PDSS2: variants seen among roughly 807,000 people sequenced by gnomAD.
PDSS2 encodes the protein all trans-polyprenyl-diphosphate synthase PDSS2.
A neutral mutation model predicts 44.5 loss-of-function variants in PDSS2; 31 were observed. The observed-to-expected ratio is 0.70, with a 90% confidence interval of 0.52 to 0.94. PDSS2 has a LOEUF of 0.94. Ranked by LOEUF, PDSS2 falls within the 40% of genes least tolerant of loss-of-function variation. The pLI is 0.00. For synonymous variants in PDSS2, 157 were observed against 180.3 expected (o/e 0.87, Z 1.03); for missense variants, 452 against 482.2 (o/e 0.94, Z 0.59).
intron 2 of PDSS2, among the ~76,000 whole-genome samples, chr6:107,322,608 G>T (rs1777415965): frequency 6.6e-6 from 1 of 152,094 alleles, no homozygotes; most frequent in Non-Finnish European, 1.5e-5. Flanking sequence ...ACTTTGGAGA[G>T]CCAGGTGGGT....
At chr6:107,229,335 C>T (rs145417515) in intron 4 of PDSS2, among the ~76,000 whole-genome samples, 55 of 152,146 alleles carry the variant, frequency 3.6e-4, no homozygotes, top group Admixed American at 6.5e-4. Context: ...TACAGGCGTG[C>T]ACCACCATGC....
At chr6:107,214,985 G>A (rs1213881897) in intron 4 of PDSS2, among the ~76,000 whole-genome samples, 1 of 152,116 alleles carries the variant, frequency 6.6e-6, no homozygotes, top group East Asian at 1.9e-4. Flanking sequence ...TTGCAAATAT[G>A]CAACACAGCA....
intron 1 of PDSS2, among the ~76,000 whole-genome samples, chr6:107,426,785 A>G (rs1414464124): frequency 2.0e-5 from 3 of 152,100 alleles, no homozygotes. Flanking sequence ...TTGGACTTGC[A>G]TGAGGCCTGT....
intron 1 of PDSS2, among the ~76,000 whole-genome samples, chr6:107,363,631 G>T (rs1296439931): frequency 2.6e-5 from 4 of 152,214 alleles, no homozygotes; most frequent in African/African-American, 9.6e-5. Flanking sequence ...AAGAGCGAAA[G>T]AACAAAGCTC....
intron 2 of PDSS2, among the ~76,000 whole-genome samples, chr6:107,281,887 T>C (rs540780731): frequency 2.0e-5 from 3 of 152,276 alleles, no homozygotes; most frequent in African/African-American, 7.2e-5. Flanking sequence ...AACAACTCTT[T>C]ACTTAGCAAT....
At chr6:107,454,213 AT>A (rs146860438) in intron 1 of PDSS2, among the ~76,000 whole-genome samples, 4,905 of 151,854 alleles carry the variant, frequency 0.032, 263 homozygotes, top group African/African-American at 0.11. Flanking sequence ...AACCCGGATA[AT>A]TTTTGGTATT....
intron 3 of PDSS2, among the ~76,000 whole-genome samples, chr6:107,269,042 C>A (rs1319620473): frequency 6.6e-6 from 1 of 151,468 alleles, no homozygotes; most frequent in Non-Finnish European, 1.5e-5. Context: ...TGGGTTCAAG[C>A]GATTCTCCTG....
At chr6:107,240,516 G>A (rs1460800633) in intron 4 of PDSS2, among the ~76,000 whole-genome samples, 24 of 149,604 alleles carry the variant, frequency 1.6e-4, no homozygotes, top group Non-Finnish European at 5.9e-5. Context: ...CTCCTGCCTC[G>A]GCCTCCCGAG....
At chr6:107,233,775 T>C (rs1391094077) in intron 4 of PDSS2, among the ~76,000 whole-genome samples, 4 of 152,122 alleles carry the variant, frequency 2.6e-5, no homozygotes, top group African/African-American at 9.7e-5. Context: ...ATTGCATCAC[T>C]GCACTCTAGC....
intron 2 of PDSS2, among the ~76,000 whole-genome samples, chr6:107,276,407 G>A (rs1250090191): frequency 6.6e-6 from 1 of 152,182 alleles, no homozygotes; most frequent in Admixed American, 6.5e-5. Flanking sequence ...GATAGACGGT[G>A]GTGTGTGGTT....
chr6:107,291,986 C>T (rs55983510), intron 2 of PDSS2, among the ~76,000 whole-genome samples: 1 of 152,070 alleles, frequency 6.6e-6, no homozygotes, highest in Non-Finnish European at 1.5e-5. Flanking sequence ...AGCACACACA[C>T]TAAGCAATTG....
chr6:107,283,562 A>C (rs1340921567), intron 2 of PDSS2, among the ~76,000 whole-genome samples: 4 of 151,276 alleles, frequency 2.6e-5, no homozygotes, highest in Non-Finnish European at 5.9e-5. Flanking sequence ...CTCTACTAAA[A>C]ATACAAAATT....
intron 1 of PDSS2, among the ~76,000 whole-genome samples, chr6:107,450,436 G>C (rs776261436): frequency 6.6e-6 from 1 of 152,180 alleles, no homozygotes; most frequent in Non-Finnish European, 1.5e-5. Flanking sequence ...TGGGAACCAT[G>C]ATACTGAAGA....
chr6:107,378,115 G>A (rs1438379884), intron 1 of PDSS2, among the ~76,000 whole-genome samples: 3 of 148,086 alleles, frequency 2.0e-5, no homozygotes, highest in Non-Finnish European at 4.5e-5. Flanking sequence ...CAGTACACTG[G>A]TAAAAGAAGG....
intron 4 of PDSS2, among the ~76,000 whole-genome samples, chr6:107,219,192 T>G (rs1773517930): frequency 1.3e-5 from 2 of 152,250 alleles, no homozygotes; most frequent in South Asian, 4.1e-4. Flanking sequence ...TCTAGTCCCA[T>G]CTCCTACACA....
At chr6:107,349,193 G>C (rs571589382) in intron 1 of PDSS2, among the ~76,000 whole-genome samples, 3 of 152,208 alleles carry the variant, frequency 2.0e-5, no homozygotes, top group Non-Finnish European at 4.4e-5. Flanking sequence ...AGCGCTTTGG[G>C]AGGCCAAGGC....
chr6:107,200,077 G>A (rs903371660), intron 6 of PDSS2, among the ~76,000 whole-genome samples: 3 of 152,122 alleles, frequency 2.0e-5, no homozygotes, highest in African/African-American at 7.2e-5. Context: ...AAAGCAGTGC[G>A]TCTAAAGGAA....
chr6:107,179,864 C>G (rs1455999282), intron 7 of PDSS2, among the ~76,000 whole-genome samples: 2 of 152,104 alleles, frequency 1.3e-5, no homozygotes, highest in Admixed American at 1.3e-4. Context: ...TTCAGATGTA[C>G]CAACTGAATC....
rs1264303356 is a variant in PDSS2 at position 107,153,900 on chromosome 6, A to AC, written c.*718dup. ...AGACTAGCCTGACCAACATAGTGAAACCCCATCTCTACTAAAAATACAAAA... is the reference window on the plus strand; with the variant it reads ...AGACTAGCCTGACCAACATAGTGAAACCCCCATCTCTACTAAAAATACAAAA... On this transcript the variant is annotated 3_prime_UTR_variant, in exon 8 of 8. Coordinates refer to ENST00000369037, the MANE Select transcript of PDSS2 (RefSeq NM_020381.4). 4.6e-5 allele frequency: 7 copies of AC among 152,462 alleles called. No individual in the cohort carries two copies. Among genetic ancestry groups the AC allele is most frequent in the African/African-American group, 1.4e-4 (6 of 41,394 alleles). The allele number at this position is 152,462 out of a possible 1,614,324, so 9.4% of individuals were successfully genotyped here.
Sources: allele counts gnomAD v4.1 joint callset (sites outside exome capture counted in the v4.1 genomes callset), GRCh38; gene constraint gnomAD v4.1.1; transcripts MANE v1.5; gene names NCBI Gene and HGNC (gene_info 2026-07-23, HGNC 2026-07-21).